The following SLC24A2 variants were observed in gnomAD, a reference collection of about 807,000 sequenced individuals.
SLC24A2 encodes solute carrier family 24 member 2.
SLC24A2 carries 36 observed loss-of-function variants against 62.0 expected under a neutral mutation model. The ratio of observed to expected loss-of-function variants is 0.58; its 90% CI spans 0.44 to 0.77. SLC24A2 has a LOEUF of 0.77. SLC24A2 is among the 30% of genes least tolerant of loss of function. The pLI is 0.00. For missense variants in SLC24A2, 846 were observed against 817.9 expected (o/e 1.03, Z -0.42); for synonymous variants, 358 against 294.0 (o/e 1.22, Z -2.23).
At chr9:20,240,392 T>C in the SLC24A2 span, among the ~76,000 whole-genome samples, 3 of 151,766 alleles carry the variant, frequency 2.0e-5, no homozygotes, top group South Asian at 4.2e-4. Flanking sequence ...TTGGAGGAAA[T>C]ATATAAATGA....
chr9:19,760,822 C>G (rs888798563), intron 2 of SLC24A2, among the ~76,000 whole-genome samples: 1 of 149,674 alleles, frequency 6.7e-6, no homozygotes, highest in African/African-American at 2.5e-5. Context: ...GACGGAAAAC[C>G]AAACACCACA....
chr9:19,976,708 G>A, the SLC24A2 span, among the ~76,000 whole-genome samples: 20 of 152,266 alleles, frequency 1.3e-4, no homozygotes, highest in Middle Eastern at 3.4e-3. Context: ...TCCACCATTT[G>A]GTATAAGAAA....
At chr9:20,213,067 T>A in the SLC24A2 span, among the ~76,000 whole-genome samples, 2 of 151,600 alleles carry the variant, frequency 1.3e-5, no homozygotes, top group African/African-American at 4.9e-5. Flanking sequence ...AAATAGCTAA[T>A]GCATACTGGG....
At chr9:20,109,953 G>C in the SLC24A2 span, among the ~76,000 whole-genome samples, 1 of 152,100 alleles carries the variant, frequency 6.6e-6, no homozygotes, top group East Asian at 1.9e-4. Context: ...ATTTCCTCAT[G>C]TTTATGCAGT....
In SLC24A2 at chr9:19,628,354, G is replaced by C. The variant is rs554153950; in HGVS notation, c.931-6055C>G. Among the ~76,000 whole-genome samples the C allele has an allele frequency of 4.6e-5, 7 of 152,270 alleles. No homozygotes were observed. The South Asian group carries it at 1.5e-3, about 32-fold the overall frequency. On this transcript the variant is annotated intron_variant, in intron 2 of 10. Transcript: ENST00000341998. Reference sequence around the variant, plus strand: ...AAGGTTAATCTTTCTTATTAAGTATGTACATAGAAGACAGTAATCCTCATC... The same window carrying C: ...AAGGTTAATCTTTCTTATTAAGTATCTACATAGAAGACAGTAATCCTCATC...
At chr9:19,529,868 G>A (rs2132665575) in intron 8 of SLC24A2, among the ~76,000 whole-genome samples, 1 of 150,564 alleles carries the variant, frequency 6.6e-6, no homozygotes, top group South Asian at 2.2e-4. Context: ...TCCTGCCTCA[G>A]CCTCCTGAGT....
the SLC24A2 span, among the ~76,000 whole-genome samples, chr9:19,986,024 T>C: frequency 2.6e-5 from 4 of 152,142 alleles, no homozygotes; most frequent in African/African-American, 9.6e-5. Context: ...GTAAATCATA[T>C]ATCTGATAAG....
chr9:20,130,878 C>T, the SLC24A2 span, among the ~76,000 whole-genome samples: 1 of 152,032 alleles, frequency 6.6e-6, no homozygotes, highest in Non-Finnish European at 1.5e-5. Flanking sequence ...CCTTTCATTG[C>T]CCACTCCTGC....
chr9:19,547,468 G>A (rs932450698), intron 8 of SLC24A2, among the ~76,000 whole-genome samples: 1 of 152,106 alleles, frequency 6.6e-6, no homozygotes, highest in African/African-American at 2.4e-5. Context: ...GATTTTTGTT[G>A]GTTTTCCAAA....
intron 6 of SLC24A2, among the ~76,000 whole-genome samples, chr9:19,574,709 T>A (rs1425959597): frequency 6.6e-6 from 1 of 151,390 alleles, no homozygotes; most frequent in Non-Finnish European, 1.5e-5. Context: ...CTAGAATAAT[T>A]TTTTTTTTGT....
chr9:19,926,233 G>C, the SLC24A2 span: 6 of 152,312 alleles, frequency 3.9e-5, no homozygotes, highest in Non-Finnish European at 7.3e-5. Flanking sequence ...TGCAGGGTGG[G>C]AGGAACGCTG....
At chr9:20,191,424 C>T in the SLC24A2 span, among the ~76,000 whole-genome samples, 1 of 151,834 alleles carries the variant, frequency 6.6e-6, no homozygotes, top group Non-Finnish European at 1.5e-5. Flanking sequence ...ATTTATGGGA[C>T]CATAATCCTC....
the SLC24A2 span, among the ~76,000 whole-genome samples, chr9:19,854,339 C>T: frequency 6.6e-6 from 1 of 151,808 alleles, no homozygotes; most frequent in Non-Finnish European, 1.5e-5. Context: ...TCTTGTCTTC[C>T]TCTAGCTTTA....
At chr9:20,234,260 T>G in the SLC24A2 span, among the ~76,000 whole-genome samples, 6 of 152,178 alleles carry the variant, frequency 3.9e-5, no homozygotes, top group East Asian at 3.9e-4. Context: ...TTTCCTGAAT[T>G]TGAATGTTGG....
rs903083444 is a variant in SLC24A2 at position 19,507,897 on chromosome 9, A to AT, written c.*8255_*8256insA. On this transcript the variant is annotated 3_prime_UTR_variant, in exon 11 of 11. Coordinates refer to ENST00000341998, the MANE Select transcript of SLC24A2 (RefSeq NM_020344.4). ...CTATCCTAAAAAAGATCCTTTACAA[A>AT]AATGGCATTCTGATATTTTTAACAT... is the stretch of plus-strand genomic sequence containing the variant. The AT allele has an allele frequency of 3.9e-5, 6 of 152,252 alleles. No homozygotes were observed. The highest frequency in any genetic ancestry group is 1.4e-4 in the African/African-American group (6 of 41,466). 9.4% of individuals were successfully genotyped at this position (152,252 alleles called of 1,614,324 possible). A position where few individuals can be genotyped will look rare whatever the true frequency, so the allele number is the denominator to read the frequency against.
At chr9:19,529,616 C>T (rs1054010032) in intron 8 of SLC24A2, among the ~76,000 whole-genome samples, 11 of 152,118 alleles carry the variant, frequency 7.2e-5, no homozygotes, top group Admixed American at 2.0e-4. Flanking sequence ...AATGCTTTTC[C>T]CTGCTCCCTT....
chr9:19,576,499 T>A (rs1046450802), intron 6 of SLC24A2, among the ~76,000 whole-genome samples: 2 of 152,168 alleles, frequency 1.3e-5, no homozygotes, highest in Non-Finnish European at 2.9e-5. Context: ...ATCACAGGTA[T>A]AAAAATCTGG....
chr9:19,527,354 G>A (rs538260632), intron 9 of SLC24A2, among the ~76,000 whole-genome samples: 5 of 152,204 alleles, frequency 3.3e-5, no homozygotes, highest in Admixed American at 1.3e-4. Context: ...TGTAAACTGT[G>A]GATAATAATA....
chr9:19,542,485 G>A (rs569216780), intron 8 of SLC24A2, among the ~76,000 whole-genome samples: 1 of 152,150 alleles, frequency 6.6e-6, no homozygotes, highest in Non-Finnish European at 1.5e-5. Context: ...TATTGAATAG[G>A]AGTGATGAGA....
Sources: allele counts gnomAD v4.1 joint callset (sites outside exome capture counted in the v4.1 genomes callset), GRCh38; gene constraint gnomAD v4.1.1; transcripts MANE v1.5; gene names NCBI Gene and HGNC (gene_info 2026-07-23, HGNC 2026-07-21).